ZC3H13: variants seen among roughly 807,000 people sequenced by gnomAD.
ZC3H13 encodes zinc finger CCCH domain-containing protein 13.
A neutral mutation model predicts 204.1 loss-of-function variants in ZC3H13; 64 were observed. That is an observed-to-expected ratio of 0.31 (90% confidence interval 0.26 to 0.39). ZC3H13 has a LOEUF of 0.39. ZC3H13 is among the 10% of genes least tolerant of loss of function. The pLI is 1.00. For missense variants in ZC3H13, 1,833 were observed against 2,082.7 expected (o/e 0.88, Z 2.33); for synonymous variants, 667 against 693.7 (o/e 0.96, Z 0.60).
chr13:45,990,041 G>A (rs910988503), intron 8 of ZC3H13, among the ~76,000 whole-genome samples: 5 of 152,102 alleles, frequency 3.3e-5, no homozygotes, highest in Admixed American at 1.3e-4. Flanking sequence ...TTTTTAGTAT[G>A]TGCAGTGATG....
chr13:45,960,071 C>T (rs956344832), intron 17 of ZC3H13, among the ~76,000 whole-genome samples: 1 of 152,148 alleles, frequency 6.6e-6, no homozygotes, highest in Non-Finnish European at 1.5e-5. Context: ...CCTGCCTCAG[C>T]TTCCCGAGTA....
chr13:46,048,580 CAAAAAAAA>C (rs56753264), intron 1 of ZC3H13, among the ~76,000 whole-genome samples: 15 of 38,656 alleles, frequency 3.9e-4, no homozygotes, highest in African/African-American at 1.4e-3. Flanking sequence ...GACTCCGCCT[CAAAAAAAA>C]AAAAAAAAAA....
intron 4 of ZC3H13, among the ~76,000 whole-genome samples, chr13:46,035,503 C>T (rs1017757713): frequency 2.0e-5 from 3 of 152,260 alleles, no homozygotes; most frequent in African/African-American, 7.2e-5. Context: ...TGGAAAATCA[C>T]CATAATTATC....
At chr13:46,016,412 TAATG>T (rs2041910845) in intron 5 of ZC3H13, among the ~76,000 whole-genome samples, 1 of 152,100 alleles carries the variant, frequency 6.6e-6, no homozygotes, top group Non-Finnish European at 1.5e-5. Flanking sequence ...CAATAACAAT[TAATG>T]AATGATATGT....
Position 45,959,958 on chromosome 13 carries a change from T to C in ZC3H13, c.4676-312A>G, listed in dbSNP as rs138884797. ...TTTAATTTTAAACAATTTATTTATTTATTTATTTTTTGAGATAAAGTATCT... is the reference window on the plus strand; with the variant it reads ...TTTAATTTTAAACAATTTATTTATTCATTTATTTTTTGAGATAAAGTATCT... On this transcript the variant is annotated intron_variant, in intron 17 of 18. Coordinates refer to ENST00000679008, the MANE Select transcript of ZC3H13 (RefSeq NM_001330564.2). Among the ~76,000 whole-genome samples, 22 of 152,034 alleles carry C rather than the reference T, an allele frequency of 1.4e-4. No homozygotes were observed. The East Asian group carries it at 3.7e-3, about 25-fold the overall frequency.
chr13:46,037,516 A>G (rs1226255773), intron 4 of ZC3H13, among the ~76,000 whole-genome samples: 1 of 152,232 alleles, frequency 6.6e-6, no homozygotes, highest in Non-Finnish European at 1.5e-5. Flanking sequence ...AAGCTAATTT[A>G]TCTTTTGTGC....
rs1325723045 is a variant in ZC3H13 at position 45,968,876 on chromosome 13, C to A, written c.3668G>T (p.Gly1223Val). The change falls in exon 14 of 19, where the codon GGT becomes GTT. Residue 1223 changes from glycine (G) to valine (V), a missense_variant. By Grantham distance (109) the Gly-to-Val change is moderately radical. Around this residue, in one of 5 missense-constraint regions of ZC3H13, gnomAD observed 1,574 missense variants for 1,757.2 expected, o/e 0.90. Transcript: ENST00000679008. Reference sequence around the variant, plus strand: ...GCCACTGTGCAGTACTCTCTTTCGACCACTTTGGTCATCTCCACTTCGATG... The same window carrying A: ...GCCACTGTGCAGTACTCTCTTTCGAACACTTTGGTCATCTCCACTTCGATG... ...SAHRSGDDQS[G>V]RKRVLHSGSR... The A allele has an allele frequency of 6.2e-7, 1 of 1,614,016 alleles. No homozygotes were observed. Among genetic ancestry groups the A allele is most frequent in the Non-Finnish European group, 8.5e-7 (1 of 1,180,036 alleles).
intron 10 of ZC3H13, among the ~76,000 whole-genome samples, chr13:45,981,078 T>C (rs116533184): frequency 1.4e-3 from 216 of 152,172 alleles, no homozygotes; most frequent in Non-Finnish European, 2.1e-3. Context: ...CAAAACAAAA[T>C]GAAATTTAAA....
rs576999877 is a variant in ZC3H13 at position 46,004,993 on chromosome 13, T to C, written c.747-1657A>G. ...TTACTTTAACAATAGTTTAATTGAA[T>C]ATAGCATTTTCATGTCAAAATCCTT... On this transcript the variant is annotated intron_variant, in intron 7 of 18. Transcript: ENST00000679008. 4.6e-5 allele frequency among the ~76,000 whole-genome samples: 7 copies of C among 152,348 alleles called. No individual in the cohort carries two copies. The South Asian group carries it at 8.3e-4, about 18-fold the overall frequency.
intron 8 of ZC3H13, among the ~76,000 whole-genome samples, chr13:45,993,351 G>C (rs2040101673): frequency 6.6e-6 from 1 of 152,174 alleles, no homozygotes; most frequent in African/African-American, 2.4e-5. Context: ...GACTACTCTA[G>C]GTTGCTTGGT....
At chr13:45,971,882 CCAA>C (rs1952612776) in intron 12 of ZC3H13, among the ~76,000 whole-genome samples, 2 of 151,910 alleles carry the variant, frequency 1.3e-5, no homozygotes, top group African/African-American at 4.8e-5. Flanking sequence ...ATACAAACAG[CCAA>C]CAAACGTATG....
At chr13:46,017,076 T>C (rs2041953594) in intron 5 of ZC3H13, among the ~76,000 whole-genome samples, 1 of 152,084 alleles carries the variant, frequency 6.6e-6, no homozygotes, top group African/African-American at 2.4e-5. Context: ...CAATGCTAAA[T>C]TGAGAGCTCC....
Position 45,975,784 on chromosome 13 carries a change from C to A in ZC3H13, c.1967G>T (p.Arg656Leu), listed in dbSNP as rs200716019. ...TCTTCGTTCCTCTCTTCTTTCATCA[C>A]GCTCAAGCTCGTCATTCCTTCCCTG... ...RHQGRNDELE[R>L]DERREERRVD... Residue 656 changes from arginine to leucine, a missense_variant, in exon 12 of 19, where the codon CGT becomes CTT. By Grantham distance (102) the Arg-to-Leu change is moderately radical. Around this residue, in one of 5 missense-constraint regions of ZC3H13, gnomAD observed 1,574 missense variants for 1,757.2 expected, o/e 0.90. Coordinates refer to ENST00000679008, the MANE Select transcript of ZC3H13 (RefSeq NM_001330564.2). 1.2e-6 allele frequency: 2 copies of A among 1,613,888 alleles called. No homozygotes were observed. The highest frequency in any genetic ancestry group is 2.2e-5 in the South Asian group (2 of 91,060).
chr13:46,045,195 A>C, intron 2 of ZC3H13, 131 bp from the exon 3 acceptor site: 1 of 951,088 alleles, frequency 1.1e-6, no homozygotes, highest in Admixed American at 2.8e-5. Flanking sequence ...CAAATAATAA[A>C]AACTTCAGGA....
chr13:46,041,258 A>C (rs150860374), intron 4 of ZC3H13, among the ~76,000 whole-genome samples: 268 of 152,260 alleles, frequency 1.8e-3, no homozygotes, highest in African/African-American at 6.0e-3. Flanking sequence ...ATAAGGAATA[A>C]AATACTGATG....
intron 10 of ZC3H13, among the ~76,000 whole-genome samples, chr13:45,981,914 T>C (rs1194236928): frequency 1.3e-5 from 2 of 151,362 alleles, no homozygotes; most frequent in Non-Finnish European, 2.9e-5. Context: ...ATATACCTAA[T>C]GCTAAATGAC....
intron 5 of ZC3H13, among the ~76,000 whole-genome samples, chr13:46,019,088 A>G (rs1344555954): frequency 6.6e-6 from 1 of 152,164 alleles, no homozygotes; most frequent in African/African-American, 2.4e-5. Flanking sequence ...TGTTCTTAGA[A>G]GCAATTTTTT....
chr13:46,012,307 C>T (rs2041620264), intron 5 of ZC3H13, among the ~76,000 whole-genome samples: 1 of 151,970 alleles, frequency 6.6e-6, no homozygotes, highest in Non-Finnish European at 1.5e-5. Context: ...CACCCAAACC[C>T]ATCACGCTCA....
At chr13:45,984,799 G>T (rs1421581507) in intron 10 of ZC3H13, among the ~76,000 whole-genome samples, 1 of 152,136 alleles carries the variant, frequency 6.6e-6, no homozygotes. Flanking sequence ...TCATTTGGGT[G>T]ATGGCAAATA....
Sources: gnomAD v4.1 joint callset for allele counts (sites outside exome capture counted in the v4.1 genomes callset) on GRCh38, gnomAD v4.1.1 for gene constraint, gnomAD v4.1.1 regional missense constraint, MANE v1.5 for transcripts, NCBI Gene and HGNC (gene_info 2026-07-23, HGNC 2026-07-21) for gene names.